The following CASD1 variants were observed in gnomAD, a reference collection of about 807,000 sequenced individuals.
The protein encoded by CASD1 is CAS1 domain sialic acid O acetyltransferase 1, also known as N-acetylneuraminate (7)9-O-acetyltransferase.
A neutral mutation model predicts 100.0 loss-of-function variants in CASD1; 41 were observed. That is an observed-to-expected ratio of 0.41 (90% CI 0.32 to 0.53). The LOEUF is 0.53. Among genes scored for constraint, CASD1 ranks in the 20% least tolerant of loss-of-function variants. CASD1 has a pLI of 0.25. For synonymous variants in CASD1, 321 were observed against 315.6 expected (o/e 1.02, Z -0.18); for missense variants, 774 against 948.7 (o/e 0.82, Z 2.42).
At chr7:94,538,879 A>T in intron 9 of CASD1, 88 bp from the exon 10 acceptor site, 1 of 595,066 alleles carries the variant, frequency 1.7e-6, no homozygotes. Context: ...TTTATGTCCT[A>T]TAAGAAAACT....
At chr7:94,582,297 T>C in the CASD1 span, among the ~76,000 whole-genome samples, 1 of 152,140 alleles carries the variant, frequency 6.6e-6, no homozygotes, top group Non-Finnish European at 1.5e-5. Flanking sequence ...TTTGTATTTT[T>C]AGTAGAGATG....
the CASD1 span, chr7:94,618,970 A>T: frequency 1.0e-5 from 16 of 1,564,270 alleles, no homozygotes; most frequent in African/African-American, 1.9e-4. Context: ...ATTTTGGTGA[A>T]AAAGGGCATG....
At chr7:94,629,565 A>G in the CASD1 span, 6 of 715,222 alleles carry the variant, frequency 8.4e-6, no homozygotes, top group Admixed American at 2.4e-5. Context: ...TTAAATTTCT[A>G]ATCTGTAAAT....
chr7:94,609,027 C>T, the CASD1 span, among the ~76,000 whole-genome samples: 1 of 152,104 alleles, frequency 6.6e-6, no homozygotes, highest in East Asian at 1.9e-4. Flanking sequence ...TTAGTTACAA[C>T]ACCAAAGGCA....
the CASD1 span, chr7:94,599,776 A>T: frequency 8.2e-7 from 1 of 1,223,904 alleles, no homozygotes; most frequent in South Asian, 1.2e-5. Context: ...TATTTGGAAC[A>T]TTAAGACTAT....
At chr7:94,528,422 A>C (rs979633944) in intron 5 of CASD1, among the ~76,000 whole-genome samples, 172 bp downstream of exon 5, 1 of 152,040 alleles carries the variant, frequency 6.6e-6, no homozygotes, top group Non-Finnish European at 1.5e-5. Flanking sequence ...AGAAGAGAAG[A>C]TGTAGATCCA....
chr7:94,547,274 AT>A, intron 13 of CASD1, 99 bp downstream of exon 13: 1 of 735,618 alleles, frequency 1.4e-6, no homozygotes, highest in Non-Finnish European at 2.1e-6. Flanking sequence ...TTTTAGCTTC[AT>A]TTTTTAATGA....
chr7:94,547,047 T>A, intron 12 of CASD1, 49 bp from the exon 13 acceptor site: 1 of 1,157,742 alleles, frequency 8.6e-7, no homozygotes, highest in Non-Finnish European at 1.3e-6. Context: ...TTTAATATGT[T>A]GTCTAATATA....
chr7:94,518,075 C>T, intron 2 of CASD1, 128 bp from the exon 3 acceptor site: 2 of 896,014 alleles, frequency 2.2e-6, no homozygotes, highest in South Asian at 4.3e-5. Flanking sequence ...AACCTGGCCA[C>T]CTGCTTATAA....
chr7:94,598,855 G>C, the CASD1 span: 3 of 1,612,250 alleles, frequency 1.9e-6, no homozygotes, highest in East Asian at 6.7e-5. Context: ...CAGTCACAGG[G>C]TGGAACACAG....
intron 15 of CASD1, 28 bp from the exon 16 acceptor site, chr7:94,552,322 G>T (rs1212346256): frequency 1.9e-6 from 3 of 1,565,268 alleles, no homozygotes; most frequent in Non-Finnish European, 2.6e-6. Context: ...TTGCTTTTTT[G>T]AACTTTTCCA....
chr7:94,624,813 A>G, the CASD1 span: 1 of 152,092 alleles, frequency 6.6e-6, no homozygotes, highest in Non-Finnish European at 1.5e-5. Flanking sequence ...TTTTATGGGT[A>G]GCCTTCCCTT....
downstream of CASD1, among the ~76,000 whole-genome samples, chr7:94,560,108 GTAT>G (rs2116457848): frequency 6.6e-6 from 1 of 152,240 alleles, no homozygotes; most frequent in East Asian, 1.9e-4. Flanking sequence ...AAGTAGGTTA[GTAT>G]TTGTTTTGTT....
At chr7:94,628,028 AGAG>A in the CASD1 span, 1 of 561,332 alleles carries the variant, frequency 1.8e-6, no homozygotes, top group South Asian at 2.5e-5. Flanking sequence ...CTTTATAAAC[AGAG>A]AAGAATGGCA....
chr7:94,547,228 A>C, intron 13 of CASD1, 53 bp downstream of exon 13: 2 of 1,314,884 alleles, frequency 1.5e-6, no homozygotes, highest in South Asian at 1.5e-5. Flanking sequence ...TTAAAGTTCA[A>C]GTCTATTAAA....
rs754274602 is a variant in CASD1 at position 94,554,530 on chromosome 7, A to G, written c.2082A>G (p.Ser694=). Residue 694 remains serine, a synonymous_variant, in exon 17 of 18, where the codon TCA becomes TCG. Coordinates refer to ENST00000297273, the MANE Select transcript of CASD1 (RefSeq NM_022900.5). ...LIRNIPGYAR[S]VYSSFFAWFG... ...GAAACATCCCTGGATATGCCCGTTC[A>G]GTTTACAGTTCATTTTTTGCTTGGT... The G allele has an allele frequency of 1.9e-6, 3 of 1,612,434 alleles. No individual in the cohort carries two copies. Among genetic ancestry groups the G allele is most frequent in the African/African-American group, 2.7e-5 (2 of 74,974 alleles).
chr7:94,569,000 T>G, the CASD1 span, among the ~76,000 whole-genome samples: 1 of 152,162 alleles, frequency 6.6e-6, no homozygotes, highest in African/African-American at 2.4e-5. Context: ...GGGGAAGCAG[T>G]ATAAGCAAAC....
At chr7:94,601,172 C>T in the CASD1 span, among the ~76,000 whole-genome samples, 1 of 151,966 alleles carries the variant, frequency 6.6e-6, no homozygotes, top group Non-Finnish European at 1.5e-5. Context: ...TCCTCTAAAG[C>T]AGTAGTCCTT....
chr7:94,549,003 G>A (rs1357040359), intron 13 of CASD1, among the ~76,000 whole-genome samples: 1 of 151,926 alleles, frequency 6.6e-6, no homozygotes, highest in African/African-American at 2.4e-5. Context: ...ATTGAGTAAG[G>A]TGACTAATTC....
Sources: gnomAD v4.1 joint callset for allele counts (sites outside exome capture counted in the v4.1 genomes callset) on GRCh38, gnomAD v4.1.1 for gene constraint, MANE v1.5 for transcripts, NCBI Gene and HGNC (gene_info 2026-07-23, HGNC 2026-07-21) for gene names.